Variants in ADAMTSL1 observed in about 807,000 individuals in gnomAD.
ADAMTSL1 encodes the protein ADAMTS like 1, also known as ADAMTS-like protein 1.
ADAMTSL1 carries 126 observed loss-of-function variants against 201.8 expected under a neutral mutation model. That is an observed-to-expected ratio of 0.62 (90% CI 0.54 to 0.72). ADAMTSL1 has a LOEUF of 0.72. Among genes scored for constraint, ADAMTSL1 ranks in the 30% least tolerant of loss-of-function variants. ADAMTSL1 has a pLI of 0.00. For synonymous variants in ADAMTSL1, 1,121 were observed against 903.4 expected (o/e 1.24, Z -4.32); for missense variants, 2,679 against 2,277.8 (o/e 1.18, Z -3.59).
chr9:18,320,113 T>C (rs1359810353), intron 2 of ADAMTSL1, among the ~76,000 whole-genome samples: 1 of 152,014 alleles, frequency 6.6e-6, no homozygotes, highest in Non-Finnish European at 1.5e-5. Flanking sequence ...GGACTGATTT[T>C]TGCCAAGAGT....
intron 7 of ADAMTSL1, 102 bp from the exon 8 acceptor site, chr9:18,657,537 C>G: frequency 1.2e-6 from 1 of 812,962 alleles, no homozygotes; most frequent in South Asian, 1.6e-5. Context: ...CCTCACACAG[C>G]CTAAAACCAT....
chr9:18,654,128 T>C (rs930761337), intron 7 of ADAMTSL1, among the ~76,000 whole-genome samples: 1 of 152,090 alleles, frequency 6.6e-6, no homozygotes, highest in East Asian at 1.9e-4. Flanking sequence ...ACTCAGGAGG[T>C]TGAGGCAGGA....
chr9:18,527,475 G>T (rs943699212), intron 2 of ADAMTSL1, among the ~76,000 whole-genome samples: 1 of 152,126 alleles, frequency 6.6e-6, no homozygotes, highest in African/African-American at 2.4e-5. Flanking sequence ...TAAATCAAAT[G>T]CATGCCCCTT....
At chr9:18,859,085 T>C (rs568364326) in intron 23 of ADAMTSL1, among the ~76,000 whole-genome samples, 65 of 152,362 alleles carry the variant, frequency 4.3e-4, no homozygotes, top group South Asian at 1.9e-3. Context: ...AAATCTGTAT[T>C]AACTTGATTG....
At chr9:18,630,867 G>A (rs1198967430) in intron 5 of ADAMTSL1, among the ~76,000 whole-genome samples, 3 of 152,138 alleles carry the variant, frequency 2.0e-5, no homozygotes, top group South Asian at 2.1e-4. Flanking sequence ...TTAAGCACCT[G>A]TAATTCTGAT....
intron 1 of ADAMTSL1, among the ~76,000 whole-genome samples, chr9:17,978,721 C>A (rs1172012720): frequency 5.3e-5 from 8 of 152,078 alleles, no homozygotes; most frequent in Admixed American, 5.2e-4. Flanking sequence ...ATTACCATTA[C>A]AGTATTAGAG....
chr9:17,974,621 C>G (rs1274237791), intron 1 of ADAMTSL1, among the ~76,000 whole-genome samples: 1 of 151,978 alleles, frequency 6.6e-6, no homozygotes, highest in Admixed American at 6.6e-5. Flanking sequence ...CAGTATTTAT[C>G]TTTCTGTGCC....
chr9:17,931,776 T>A (rs1428492552), intron 1 of ADAMTSL1, among the ~76,000 whole-genome samples: 1 of 152,112 alleles, frequency 6.6e-6, no homozygotes, highest in African/African-American at 2.4e-5. Flanking sequence ...TCTTGGTTCT[T>A]TAATAGGATT....
chr9:18,782,059 G>A (rs1213645820), intron 19 of ADAMTSL1, among the ~76,000 whole-genome samples: 6 of 152,124 alleles, frequency 3.9e-5, no homozygotes, highest in African/African-American at 1.2e-4. Flanking sequence ...TGACTGGCTG[G>A]TTCATCATAA....
chr9:18,466,408 G>T (rs1465847752), intron 2 of ADAMTSL1, among the ~76,000 whole-genome samples: 1 of 151,900 alleles, frequency 6.6e-6, no homozygotes, highest in Admixed American at 6.6e-5. Flanking sequence ...CTTCATGAAA[G>T]TCTTTTCAAA....
chr9:18,556,594 T>C (rs1821122148), intron 3 of ADAMTSL1, among the ~76,000 whole-genome samples: 1 of 151,956 alleles, frequency 6.6e-6, no homozygotes, highest in African/African-American at 2.4e-5. Context: ...CAAAGGACAA[T>C]CTAAAAGCAC....
chr9:18,713,991 G>C (rs1832763839), intron 14 of ADAMTSL1, among the ~76,000 whole-genome samples: 1 of 149,888 alleles, frequency 6.7e-6, no homozygotes, highest in Admixed American at 6.6e-5. Flanking sequence ...ACCTGCTCCT[G>C]AATGACTACT....
At chr9:18,865,392 T>A (rs373195933) in intron 23 of ADAMTSL1, among the ~76,000 whole-genome samples, 38 of 152,284 alleles carry the variant, frequency 2.5e-4, no homozygotes, top group East Asian at 7.7e-4. Flanking sequence ...ATGGCTGCAT[T>A]GTATTCCATG....
chr9:18,175,912 C>T (rs967610811), intron 2 of ADAMTSL1, among the ~76,000 whole-genome samples: 1 of 140,700 alleles, frequency 7.1e-6, no homozygotes, highest in African/African-American at 2.7e-5. Flanking sequence ...GATGGAAGAC[C>T]AAGAAGGGAA....
intron 2 of ADAMTSL1, among the ~76,000 whole-genome samples, chr9:18,351,995 A>G (rs1229485368): frequency 6.6e-6 from 1 of 152,174 alleles, no homozygotes; most frequent in Non-Finnish European, 1.5e-5. Flanking sequence ...AGCTTCTTTT[A>G]GAGTCATGAG....
intron 23 of ADAMTSL1, among the ~76,000 whole-genome samples, chr9:18,880,026 C>T (rs951507238): frequency 1.3e-5 from 2 of 152,166 alleles, no homozygotes; most frequent in Non-Finnish European, 2.9e-5. Context: ...TTTGCTCATC[C>T]GTAAAAAGCA....
At chr9:18,287,396 T>C (rs1395449310) in intron 2 of ADAMTSL1, among the ~76,000 whole-genome samples, 5 of 152,000 alleles carry the variant, frequency 3.3e-5, no homozygotes, top group East Asian at 3.9e-4. Context: ...TGTGTATATA[T>C]GCACATACAC....
chr9:18,884,016 C>T (rs1458757507), intron 23 of ADAMTSL1, among the ~76,000 whole-genome samples: 1 of 152,154 alleles, frequency 6.6e-6, no homozygotes, highest in East Asian at 1.9e-4. Flanking sequence ...ACAGCTGTTC[C>T]ATTTTATATT....
At chr9:18,633,638 CTTTT>C (rs58807960) in intron 5 of ADAMTSL1, among the ~76,000 whole-genome samples, 4 of 123,794 alleles carry the variant, frequency 3.2e-5, no homozygotes, top group Admixed American at 8.5e-5. Context: ...CTAATCTTAA[CTTTT>C]TTTTTTTTTT....
Sources: gnomAD v4.1 joint callset for allele counts (sites outside exome capture counted in the v4.1 genomes callset) on GRCh38, gnomAD v4.1.1 for gene constraint, MANE v1.5 for transcripts, NCBI Gene and HGNC (gene_info 2026-07-23, HGNC 2026-07-21) for gene names.